Variants in FOXP1 observed in about 807,000 individuals in gnomAD.
The protein encoded by FOXP1 is forkhead box protein P1.
In FOXP1, 15 loss-of-function variants were observed where a neutral mutation model predicts 98.2. The observed-to-expected ratio is 0.15, with a 90% confidence interval of 0.10 to 0.24. FOXP1 has a LOEUF of 0.24. Among genes scored for constraint, FOXP1 ranks in the 10% least tolerant of loss-of-function variants. FOXP1 has a pLI of 1.00. For missense variants in FOXP1, 633 were observed against 848.5 expected (o/e 0.75, Z 3.15); for synonymous variants, 371 against 314.5 (o/e 1.18, Z -1.90).
At chr3:71,519,775 G>C (rs1475485397) in intron 2 of FOXP1, among the ~76,000 whole-genome samples, 1 of 152,226 alleles carries the variant, frequency 6.6e-6, no homozygotes, top group Admixed American at 6.5e-5. Context: ...ATGACAAACT[G>C]TTGTCTGCTT....
chr3:71,123,124 T>C (rs1334997391), intron 6 of FOXP1, among the ~76,000 whole-genome samples: 1 of 152,166 alleles, frequency 6.6e-6, no homozygotes, highest in Non-Finnish European at 1.5e-5. Context: ...CACATTTACA[T>C]GGCATCCAAG....
intron 1 of FOXP1, chr3:71,582,793 CGT>C (rs1159909977): frequency 1.0e-6 from 1 of 984,914 alleles, no homozygotes; most frequent in East Asian, 1.1e-4. Flanking sequence ...TGCGCAGGTG[CGT>C]GTTTGAATTT....
At chr3:71,536,381 C>T (rs1453855057) in intron 2 of FOXP1, among the ~76,000 whole-genome samples, 1 of 152,142 alleles carries the variant, frequency 6.6e-6, no homozygotes, top group African/African-American at 2.4e-5. Flanking sequence ...TCTATGTCTT[C>T]ACCTCCACAC....
chr3:71,127,447 T>A (rs1006504539), intron 6 of FOXP1, among the ~76,000 whole-genome samples: 11 of 152,012 alleles, frequency 7.2e-5, no homozygotes, highest in African/African-American at 2.2e-4. Flanking sequence ...GCTGTATCTT[T>A]AAAAAAAATA....
intron 6 of FOXP1, among the ~76,000 whole-genome samples, chr3:71,165,686 T>A (rs567416739): frequency 1.1e-4 from 16 of 152,172 alleles, no homozygotes; most frequent in African/African-American, 3.9e-4. Flanking sequence ...GGTGTCGATT[T>A]AAGCCAAACA....
At chr3:71,098,026 A>C (rs1335629609) in intron 7 of FOXP1, among the ~76,000 whole-genome samples, 1 of 152,238 alleles carries the variant, frequency 6.6e-6, no homozygotes, top group Non-Finnish European at 1.5e-5. Flanking sequence ...GCTGCATTTA[A>C]CATTAGTTAT....
At chr3:71,529,457 T>A (rs1169916860) in intron 2 of FOXP1, among the ~76,000 whole-genome samples, 5 of 152,198 alleles carry the variant, frequency 3.3e-5, no homozygotes, top group Admixed American at 3.3e-4. Context: ...GTGATAATTG[T>A]CTTTTTGTAT....
chr3:71,068,021 ATACCT>A (rs1258063150), intron 7 of FOXP1, among the ~76,000 whole-genome samples: 2 of 150,634 alleles, frequency 1.3e-5, no homozygotes, highest in Non-Finnish European at 3.0e-5. Flanking sequence ...TATAAAATGA[ATACCT>A]GTGGTGGGGG....
intron 5 of FOXP1, among the ~76,000 whole-genome samples, chr3:71,220,857 G>C (rs2065319604): frequency 6.6e-6 from 1 of 150,632 alleles, no homozygotes; most frequent in Non-Finnish European, 1.5e-5. Context: ...TAGGAAACAG[G>C]AAGAATAACA....
rs527240587 is a variant in FOXP1 at position 71,577,917 on chromosome 3, G to A, written c.-298+3632C>T. Among the ~76,000 whole-genome samples the A allele has an allele frequency of 2.1e-4, 32 of 152,042 alleles. No individual in the cohort carries two copies. In the East Asian group the frequency reaches 5.8e-3, roughly 28 times the overall value. ...AAAACAAACCCCTACCTGCTTGAGA[G>A]GTTTATATACTCTAGATTCAAAAAA... On this transcript the variant is annotated intron_variant, in intron 2 of 20. Transcript: ENST00000649528.
At chr3:70,965,522 C>T (rs767701201) in intron 20 of FOXP1, among the ~76,000 whole-genome samples, 11 of 152,126 alleles carry the variant, frequency 7.2e-5, no homozygotes, top group Non-Finnish European at 1.3e-4. Context: ...CTTTTTCTCT[C>T]GGCTAGGTTC....
chr3:71,188,669 C>T (rs558616758), intron 6 of FOXP1, among the ~76,000 whole-genome samples: 1 of 152,290 alleles, frequency 6.6e-6, no homozygotes, highest in South Asian at 2.1e-4. Context: ...CCGCCCACCT[C>T]GCCCTCCAAA....
rs188315891 is a variant in FOXP1 at position 71,198,543 on chromosome 3, C to G, written c.-11-151G>C. Reference sequence around the variant, plus strand: ...GTCATTTTCTTTCACTCAACTTATCCCCTCATTAGTGGGCCATGCCCCTAG... The same window carrying G: ...GTCATTTTCTTTCACTCAACTTATCGCCTCATTAGTGGGCCATGCCCCTAG... On this transcript the variant is annotated intron_variant, in intron 5 of 20. Transcript: ENST00000649528. 2.2e-3 allele frequency among the ~76,000 whole-genome samples: 336 copies of G among 152,292 alleles called. 2 individuals are homozygous for G. The highest frequency in any genetic ancestry group is 7.8e-3 in the African/African-American group (325 of 41,540).
chr3:71,317,143 A>C (rs570424577), intron 4 of FOXP1, among the ~76,000 whole-genome samples: 198 of 152,366 alleles, frequency 1.3e-3, no homozygotes, highest in African/African-American at 4.6e-3. Context: ...CTCTAGGAAA[A>C]GGAATATTTT....
chr3:71,192,309 C>G (rs537838628), intron 6 of FOXP1, among the ~76,000 whole-genome samples: 1 of 152,180 alleles, frequency 6.6e-6, no homozygotes, highest in Non-Finnish European at 1.5e-5. Context: ...TAGATCCATA[C>G]CATATAACCT....
intron 3 of FOXP1, among the ~76,000 whole-genome samples, chr3:71,480,212 C>G (rs1297384426): frequency 3.3e-5 from 5 of 151,856 alleles, no homozygotes; most frequent in Admixed American, 2.6e-4. Context: ...AACAAACAAA[C>G]AAAAAACCCC....
intron 3 of FOXP1, among the ~76,000 whole-genome samples, chr3:71,435,151 G>C (rs2085130284): frequency 7.0e-6 from 1 of 143,070 alleles, no homozygotes; most frequent in South Asian, 2.4e-4. Context: ...ATGAGGAGGA[G>C]AGGAAGGAGA....
At chr3:71,477,465 T>C (rs760190568) in intron 3 of FOXP1, among the ~76,000 whole-genome samples, 13 of 152,220 alleles carry the variant, frequency 8.5e-5, no homozygotes, top group Middle Eastern at 3.2e-3. Flanking sequence ...CTTAATAAAA[T>C]ATATTTTTAA....
At chr3:71,493,029 C>T (rs1286087549) in intron 3 of FOXP1, among the ~76,000 whole-genome samples, 1 of 152,060 alleles carries the variant, frequency 6.6e-6, no homozygotes, top group Non-Finnish European at 1.5e-5. Flanking sequence ...AGGACTCTCT[C>T]AAGGAACAAA....
Sources: allele counts gnomAD v4.1 joint callset (sites outside exome capture counted in the v4.1 genomes callset), GRCh38; gene constraint gnomAD v4.1.1; transcripts MANE v1.5; gene names NCBI Gene and HGNC (gene_info 2026-07-23, HGNC 2026-07-21).